NEO1: variants seen among roughly 807,000 people sequenced by gnomAD.
The protein encoded by NEO1 is neogenin.
NEO1 carries 63 observed loss-of-function variants against 159.7 expected under a neutral mutation model. The ratio of observed to expected loss-of-function variants is 0.39; its 90% CI spans 0.32 to 0.49. The LOEUF (loss-of-function observed/expected upper bound fraction) is 0.49. Among genes scored for constraint, NEO1 ranks in the 20% least tolerant of loss-of-function variants. The probability of loss-of-function intolerance (pLI) is 0.85; values close to 1 mark genes in which losing one functional copy is unlikely to be tolerated. For synonymous variants in NEO1, 633 were observed against 662.0 expected, an observed-to-expected ratio of 0.96 and a Z score of 0.67; for missense variants, 1,615 against 1,831.0, an observed-to-expected ratio of 0.88 and a Z score of 2.15.
chr15:73,147,004 T>G (rs994731219), intron 5 of NEO1, among the ~76,000 whole-genome samples: 13 of 152,182 alleles, frequency 8.5e-5, no homozygotes, highest in African/African-American at 2.9e-4. Flanking sequence ...GAGATTAACA[T>G]TGTGCTTCAC....
intron 1 of NEO1, among the ~76,000 whole-genome samples, chr15:73,088,638 A>G (rs976771041): frequency 1.3e-5 from 2 of 152,118 alleles, no homozygotes; most frequent in South Asian, 4.1e-4. Flanking sequence ...GGGTCAGGGT[A>G]AAAAGAGTGA....
At chr15:73,223,766 C>T (rs2150774102) in intron 7 of NEO1, among the ~76,000 whole-genome samples, 1 of 152,224 alleles carries the variant, frequency 6.6e-6, no homozygotes, top group Non-Finnish European at 1.5e-5. Flanking sequence ...AGCATTTAGG[C>T]CATTTACATT....
At chr15:73,244,617 C>A in intron 9 of NEO1, 119 bp downstream of exon 9, 1 of 1,145,538 alleles carries the variant, frequency 8.7e-7, no homozygotes, top group Non-Finnish European at 1.2e-6. Flanking sequence ...CTTTCGGGGT[C>A]CTTATCAATT....
intron 22 of NEO1, among the ~76,000 whole-genome samples, chr15:73,282,657 T>C (rs1465047486): frequency 6.6e-6 from 1 of 152,220 alleles, no homozygotes; most frequent in African/African-American, 2.4e-5. Flanking sequence ...GAGCCAAGAC[T>C]CTTTATCTGT....
intron 8 of NEO1, 124 bp from the exon 9 acceptor site, chr15:73,244,220 C>T: frequency 9.0e-7 from 1 of 1,107,488 alleles, no homozygotes; most frequent in Non-Finnish European, 1.3e-6. Context: ...CCCCCAAAAG[C>T]TTCATTGTTT....
At chr15:73,214,412 A>G (rs955360258) in intron 7 of NEO1, among the ~76,000 whole-genome samples, 1 of 152,318 alleles carries the variant, frequency 6.6e-6, no homozygotes, top group Admixed American at 6.5e-5. Context: ...CAGGTCTTAG[A>G]TTTAAGTCCT....
At chr15:73,264,459 AAT>A (rs1403125522) in intron 15 of NEO1, among the ~76,000 whole-genome samples, 3 of 152,240 alleles carry the variant, frequency 2.0e-5, no homozygotes, top group Non-Finnish European at 1.5e-5. Flanking sequence ...TAGCGTTTGA[AAT>A]AGAGAGATGA....
intron 27 of NEO1, among the ~76,000 whole-genome samples, chr15:73,298,841 G>T (rs984455026): frequency 2.0e-5 from 3 of 152,190 alleles, no homozygotes; most frequent in African/African-American, 4.8e-5. Flanking sequence ...TGGGAACCAA[G>T]GGCTGACCTT....
At chr15:73,164,019 A>ATTTT (rs57049110) in intron 5 of NEO1, among the ~76,000 whole-genome samples, 102 of 123,690 alleles carry the variant, frequency 8.2e-4, no homozygotes, top group African/African-American at 2.5e-3. Flanking sequence ...TCTTTTTCTT[A>ATTTT]TTTTTTTTTT....
intron 5 of NEO1, among the ~76,000 whole-genome samples, chr15:73,139,349 G>T (rs1359507190): frequency 6.6e-6 from 1 of 152,038 alleles, no homozygotes; most frequent in African/African-American, 2.4e-5. Context: ...GAACTGAGAC[G>T]CTCCTGCCAG....
intron 7 of NEO1, 74 bp downstream of exon 7, chr15:73,178,501 T>G (rs1362409698): frequency 6.4e-7 from 1 of 1,551,068 alleles, no homozygotes; most frequent in Non-Finnish European, 8.8e-7. Context: ...TCCAAATAAC[T>G]CATGATTGAT....
chr15:73,290,981 C>G (rs770179488), intron 25 of NEO1, among the ~76,000 whole-genome samples: 4 of 152,170 alleles, frequency 2.6e-5, no homozygotes, highest in Non-Finnish European at 4.4e-5. Context: ...CAAAAACCAT[C>G]TTTGAAAGAG....
At chr15:73,253,961 A>G (rs2040212593) in intron 12 of NEO1, among the ~76,000 whole-genome samples, 1 of 152,182 alleles carries the variant, frequency 6.6e-6, no homozygotes, top group Non-Finnish European at 1.5e-5. Flanking sequence ...CTTAGGGGCC[A>G]TGTTTGCCTC....
chr15:73,186,773 C>T (rs2035955453), intron 7 of NEO1, among the ~76,000 whole-genome samples: 1 of 151,920 alleles, frequency 6.6e-6, no homozygotes, highest in Non-Finnish European at 1.5e-5. Context: ...GGGCAGGCAG[C>T]AATAGGGTAA....
At chr15:73,192,588 T>C (rs1452240281) in intron 7 of NEO1, among the ~76,000 whole-genome samples, 1 of 151,972 alleles carries the variant, frequency 6.6e-6, no homozygotes, top group East Asian at 1.9e-4. Flanking sequence ...AGCATAAATC[T>C]CTAAGTAACC....
At chr15:73,258,401 A>G (rs1260593126) in intron 13 of NEO1, among the ~76,000 whole-genome samples, 4 of 152,096 alleles carry the variant, frequency 2.6e-5, no homozygotes, top group African/African-American at 7.2e-5. Flanking sequence ...TTCCTTTTTT[A>G]TAACTCTTTC....
intron 7 of NEO1, among the ~76,000 whole-genome samples, chr15:73,222,449 T>G (rs2038348514): frequency 6.6e-6 from 1 of 152,058 alleles, no homozygotes; most frequent in African/African-American, 2.4e-5. Flanking sequence ...GTTATTGATC[T>G]ATTTAGAGTA....
intron 15 of NEO1, among the ~76,000 whole-genome samples, chr15:73,265,738 G>C (rs1175252143): frequency 1.3e-5 from 2 of 152,142 alleles, no homozygotes; most frequent in Non-Finnish European, 2.9e-5. Context: ...GGCAATCTAG[G>C]GAGTGGGTGG....
intron 24 of NEO1, 189 bp from the exon 25 acceptor site, chr15:73,288,957 T>C: frequency 1.7e-6 from 1 of 589,946 alleles, no homozygotes; most frequent in Non-Finnish European, 3.0e-6. Context: ...GACATCCACA[T>C]TGATTCAGCA....
Sources: allele counts gnomAD v4.1 joint callset (sites outside exome capture counted in the v4.1 genomes callset), GRCh38; gene constraint gnomAD v4.1.1; transcripts MANE v1.5; gene names NCBI Gene and HGNC (gene_info 2026-07-23, HGNC 2026-07-21).